The following MDGA1 variants were observed in gnomAD, a reference collection of about 807,000 sequenced individuals.
The protein encoded by MDGA1 is MAM domain containing glycosylphosphatidylinositol anchor 1.
In MDGA1, 54 loss-of-function variants were observed where a neutral mutation model predicts 101.5. The ratio of observed to expected loss-of-function variants is 0.53; its 90% CI spans 0.43 to 0.67. The LOEUF (loss-of-function observed/expected upper bound fraction) is 0.67. MDGA1 is among the 30% of genes least tolerant of loss of function. MDGA1 has a pLI of 0.00. For synonymous variants in MDGA1, 533 were observed against 558.3 expected (o/e 0.95, Z 0.64); for missense variants, 1,083 against 1,323.8 (o/e 0.82, Z 2.82).
At chr6:37,639,923 T>C (rs975277820) in intron 14 of MDGA1, 4 of 152,178 alleles carry the variant, frequency 2.6e-5, no homozygotes, top group Non-Finnish European at 4.4e-5. Context: ...TGAAAGTCCT[T>C]GATAAGAGTT....
chr6:37,658,270 G>A lies in MDGA1; in HGVS notation c.357C>T (p.Ile119=). 6.2e-7 allele frequency: 1 copy of A among 1,606,464 alleles called. No individual in the cohort carries two copies. The part of the protein sequence containing the change: ...KAENGVGVPA[I]KSIRVDVQYL... Reference sequence around the variant, plus strand: ...ACTGCACGTCCACGCGGATGGACTTGATGGCCGGCACCCCCACGCCGTTCT... The same window carrying A: ...ACTGCACGTCCACGCGGATGGACTTAATGGCCGGCACCCCCACGCCGTTCT... The change falls in exon 3 of 17, where the codon ATC becomes ATT. Residue 119 remains isoleucine (I), a synonymous_variant. Transcript: ENST00000434837.
intron 1 of MDGA1, among the ~76,000 whole-genome samples, chr6:37,664,842 G>GACAGACACACAC (rs1215330966): frequency 4.5e-4 from 25 of 55,260 alleles, no homozygotes; most frequent in African/African-American, 1.6e-3. Context: ...CCTAACCTAA[G>GACAGACACACAC]ACACACACAC....
chr6:37,639,853 A>G (rs1764021996), intron 14 of MDGA1: 1 of 152,236 alleles, frequency 6.6e-6, no homozygotes, highest in Admixed American at 6.5e-5. Context: ...ATGGATGAAT[A>G]AATGAATGAT....
intron 7 of MDGA1, among the ~76,000 whole-genome samples, chr6:37,651,623 A>G (rs1561845520): frequency 6.7e-6 from 1 of 149,842 alleles, no homozygotes; most frequent in Non-Finnish European, 1.5e-5. Flanking sequence ...AGTTCTACTA[A>G]GACATTCCAA....
Position 37,690,704 on chromosome 6 carries a change from G to A in MDGA1, c.67+6041C>T, listed in dbSNP as rs1273739017. On this transcript the variant is annotated intron_variant, in intron 1 of 16. Transcript: ENST00000434837. ...AGGCAGGAGAATTGCTTGAACCTAG[G>A]AGGCAAAGGTTGCGGTGAGCCAAGA... 2.0e-5 allele frequency among the ~76,000 whole-genome samples: 3 copies of A among 151,194 alleles called. No homozygotes were observed. In the East Asian group the frequency reaches 5.8e-4, roughly 29 times the overall value.
chr6:37,684,793 G>C (rs1366125227), intron 1 of MDGA1, among the ~76,000 whole-genome samples: 3 of 152,118 alleles, frequency 2.0e-5, no homozygotes, highest in Non-Finnish European at 2.9e-5. Context: ...GTGAATTCAG[G>C]TCTTGCCGTG....
chr6:37,644,126 ACCCCCACGCATCCTGCCTCAC>A (rs1764164683), intron 13 of MDGA1, among the ~76,000 whole-genome samples, 183 bp from the exon 14 acceptor site: 1 of 22,288 alleles, frequency 4.5e-5, no homozygotes, highest in Non-Finnish European at 1.3e-4. Context: ...ATCCTGCCTC[ACCCCCACGCATCCTGCCTCAC>A]CCCCACGCAT....
intron 11 of MDGA1, 47 bp downstream of exon 11, chr6:37,646,151 G>T: frequency 6.4e-7 from 1 of 1,554,402 alleles, no homozygotes; most frequent in East Asian, 2.3e-5. Flanking sequence ...AGGGGTCCCT[G>T]GCCATGAGAT....
intron 14 of MDGA1, chr6:37,639,250 C>T (rs573581072): frequency 6.5e-6 from 1 of 152,974 alleles, no homozygotes; most frequent in African/African-American, 2.4e-5. Flanking sequence ...GCTCTGCATT[C>T]CCCATGGGGT....
chr6:37,636,070 A>C lies in MDGA1; in HGVS notation c.*1298T>G, dbSNP rs1763923725. 9.2e-6 allele frequency: 2 copies of C among 218,446 alleles called. No individual in the cohort carries two copies. Among genetic ancestry groups the C allele is most frequent in the Non-Finnish European group, 1.8e-5 (2 of 111,668 alleles). 13.5% of individuals were successfully genotyped at this position (218,446 alleles called of 1,614,324 possible). A position where few individuals can be genotyped will look rare whatever the true frequency, so the allele number is the denominator to read the frequency against. ...ATACACACATATGCACGCATGCCTAAAGAGTCATTCTAGAAGGGGCTGGGC... is the reference window on the plus strand; with the variant it reads ...ATACACACATATGCACGCATGCCTACAGAGTCATTCTAGAAGGGGCTGGGC... On this transcript the variant is annotated 3_prime_UTR_variant, in exon 17 of 17. Transcript: ENST00000434837.
chr6:37,666,694 T>C (rs1204342193), intron 1 of MDGA1, among the ~76,000 whole-genome samples: 1 of 152,204 alleles, frequency 6.6e-6, no homozygotes, highest in African/African-American at 2.4e-5. Flanking sequence ...CAGTGAATGT[T>C]GAACGAATGG....
At position 37,692,481 on chromosome 6, in the gene MDGA1, G is replaced by A. The variant is rs184981568; in HGVS notation, c.67+4264C>T. Among the ~76,000 whole-genome samples, 164 of 151,762 alleles carry A rather than the reference G, an allele frequency of 1.1e-3. 1 individual carries two copies. The highest frequency in any genetic ancestry group is 3.7e-3 in the African/African-American group (152 of 41,346). Reference sequence around the variant, plus strand: ...TGGGGGCAGTGGTGTTTGGGGTGGGGGTGTCTTCCACATTCCTGCCTCTGT... The same window carrying A: ...TGGGGGCAGTGGTGTTTGGGGTGGGAGTGTCTTCCACATTCCTGCCTCTGT... On this transcript the variant is annotated intron_variant, in intron 1 of 16. Coordinates refer to ENST00000434837, the MANE Select transcript of MDGA1 (RefSeq NM_153487.4).
chr6:37,640,533 G>A (rs891744238), intron 14 of MDGA1, among the ~76,000 whole-genome samples: 1 of 152,064 alleles, frequency 6.6e-6, no homozygotes, highest in African/African-American at 2.4e-5. Context: ...TAGAGATGGG[G>A]TCTCGCTATG....
intron 14 of MDGA1, among the ~76,000 whole-genome samples, chr6:37,642,476 G>A (rs534106705): frequency 6.6e-6 from 1 of 152,190 alleles, no homozygotes; most frequent in South Asian, 2.1e-4. Flanking sequence ...CCGGCCATAT[G>A]TACTGGTTTC....
At chr6:37,661,406 G>C (rs1411149688) in intron 2 of MDGA1, among the ~76,000 whole-genome samples, 1 of 152,126 alleles carries the variant, frequency 6.6e-6, no homozygotes, top group East Asian at 1.9e-4. Context: ...CCCCCATCTT[G>C]ACCACTAAGT....
At chr6:37,686,909 G>A (rs1762208805) in intron 1 of MDGA1, among the ~76,000 whole-genome samples, 3 of 152,166 alleles carry the variant, frequency 2.0e-5, no homozygotes. Flanking sequence ...AAACAGGCCT[G>A]GGGGGTCCTT....
chr6:37,679,398 G>T (rs1762046831), intron 1 of MDGA1, among the ~76,000 whole-genome samples: 8 of 152,172 alleles, frequency 5.3e-5, no homozygotes, highest in Admixed American at 3.3e-4. Flanking sequence ...TGGACAGTGG[G>T]TGGGTGGCAG....
At chr6:37,646,835 C>T (rs916354773) in intron 10 of MDGA1, among the ~76,000 whole-genome samples, 20 of 152,266 alleles carry the variant, frequency 1.3e-4, no homozygotes, top group African/African-American at 4.8e-4. Context: ...GACTTACCCT[C>T]CCCTCTCCCA....
Position 37,638,721 on chromosome 6 carries a change from C to T in MDGA1, c.2537-54G>A. On this transcript the variant is annotated intron_variant, in intron 14 of 16. Coordinates refer to ENST00000434837, the MANE Select transcript of MDGA1 (RefSeq NM_153487.4). The surrounding 1 kb of genome is among the most constrained non-coding windows in gnomAD (Gnocchi z 4.8). ...TGAGATCTGGCCAGGGCACCCTCACCTTTCCACATTTACCAAGCCCTCTTC... is the reference window on the plus strand; with the variant it reads ...TGAGATCTGGCCAGGGCACCCTCACTTTTCCACATTTACCAAGCCCTCTTC... 1 of 1,563,334 alleles carries T rather than the reference C, an allele frequency of 6.4e-7. No homozygotes were observed. Among genetic ancestry groups the T allele is most frequent in the Non-Finnish European group, 8.7e-7 (1 of 1,152,498 alleles).
Sources: allele counts gnomAD v4.1 joint callset (sites outside exome capture counted in the v4.1 genomes callset), GRCh38; gene constraint gnomAD v4.1.1; non-coding constraint Gnocchi (gnomAD v3.1); transcripts MANE v1.5; gene names NCBI Gene and HGNC (gene_info 2026-07-23, HGNC 2026-07-21).